Variants in PTK2 observed in about 807,000 individuals in gnomAD.
PTK2 encodes the protein protein tyrosine kinase 2, also known as focal adhesion kinase 1.
A neutral mutation model predicts 150.1 loss-of-function variants in PTK2; 45 were observed. The ratio of observed to expected loss-of-function variants is 0.30; its 90% confidence interval spans 0.24 to 0.38. The LOEUF is 0.38. Among genes scored for constraint, PTK2 ranks in the 10% least tolerant of loss-of-function variants. The pLI is 1.00. For synonymous variants in PTK2, 432 were observed against 449.2 expected (o/e 0.96, Z 0.48); for missense variants, 919 against 1,307.3 (o/e 0.70, Z 4.58).
Position 140,980,414 on chromosome 8 carries a change from AG to A in PTK2, c.-122+20710del, listed in dbSNP as rs1386258216. ...AGGCGGATTGGATCACGAGGTCAGGAGATCGAGACCATCCTGGCTAACATGG... is the reference window on the plus strand; with the variant it reads ...AGGCGGATTGGATCACGAGGTCAGGAATCGAGACCATCCTGGCTAACATGG... On this transcript the variant is annotated intron_variant, in intron 1 of 31. Coordinates refer to ENST00000522684, the Ensembl canonical transcript of PTK2. Among the ~76,000 whole-genome samples, 5 of 152,208 alleles carry A rather than the reference AG, an allele frequency of 3.3e-5. No homozygotes were observed. In the East Asian group the frequency reaches 5.8e-4, roughly 18 times the overall value.
intron 2 of PTK2, among the ~76,000 whole-genome samples, chr8:140,893,569 T>G (rs1453261584): frequency 6.6e-6 from 1 of 152,148 alleles, no homozygotes; most frequent in Non-Finnish European, 1.5e-5. Flanking sequence ...TCCACTTATA[T>G]GAAGGAATAT....
chr8:140,723,083 A>G (rs764366965), intron 22 of PTK2, among the ~76,000 whole-genome samples: 48 of 152,152 alleles, frequency 3.2e-4, no homozygotes, highest in Non-Finnish European at 6.3e-4. Context: ...ATCTGCCCTG[A>G]TATTTCTACC....
At position 140,764,302 on chromosome 8, in the gene PTK2, G is replaced by GA; in HGVS notation, c.1178-13dup. 1 of 1,599,860 alleles carries GA rather than the reference G, an allele frequency of 6.3e-7. No homozygotes were observed. The highest frequency in any genetic ancestry group is 8.6e-7 in the Non-Finnish European group (1 of 1,168,594). ...ATAATCATCTGTTTCTGCAGGAAAA[G>GA]AAACAGATATGTTGAAAGAGGTTAA... On this transcript the variant is annotated splice_polypyrimidine_tract_variant and intron_variant, in intron 14 of 31. Coordinates refer to ENST00000522684, the Ensembl canonical transcript of PTK2.
At chr8:140,935,433 G>C (rs769652949) in intron 1 of PTK2, among the ~76,000 whole-genome samples, 2 of 152,098 alleles carry the variant, frequency 1.3e-5, no homozygotes, top group African/African-American at 4.8e-5. Flanking sequence ...CCTAGGCTGC[G>C]ATGTATCCAT....
chr8:140,761,444 G>A (rs1594424775), intron 15 of PTK2, among the ~76,000 whole-genome samples, 182 bp from the exon 19 acceptor site: 2 of 152,232 alleles, frequency 1.3e-5, no homozygotes, highest in East Asian at 3.9e-4. Context: ...CATGTAATTA[G>A]TTATGGTATT....
At chr8:140,836,219 T>C (rs897788759) in intron 7 of PTK2, among the ~76,000 whole-genome samples, 1 of 152,230 alleles carries the variant, frequency 6.6e-6, no homozygotes, top group Non-Finnish European at 1.5e-5. Context: ...CTCTTGTTTA[T>C]ATCAATTAGC....
chr8:140,765,257 T>C (rs1265589617), intron 14 of PTK2: 6 of 152,206 alleles, frequency 3.9e-5, no homozygotes, highest in African/African-American at 1.4e-4. Flanking sequence ...AGCATCCTTG[T>C]TTAACACCAA....
intron 16 of PTK2, among the ~76,000 whole-genome samples, chr8:140,756,151 T>C (rs1412500286): frequency 6.6e-6 from 1 of 151,378 alleles, no homozygotes; most frequent in African/African-American, 2.4e-5. Context: ...GGTGAAACCC[T>C]GTCTCTACTA....
At chr8:140,827,265 T>C (rs1438566402) in intron 8 of PTK2, among the ~76,000 whole-genome samples, 2 of 152,006 alleles carry the variant, frequency 1.3e-5, no homozygotes, top group African/African-American at 4.8e-5. Flanking sequence ...AAACCCCCTT[T>C]CCTGTCTGAC....
intron 26 of PTK2, among the ~76,000 whole-genome samples, chr8:140,695,964 G>T (rs1175792019): frequency 1.3e-5 from 2 of 152,030 alleles, no homozygotes; most frequent in Non-Finnish European, 2.9e-5. Context: ...CTTCCCCAGG[G>T]TTCATGTATG....
At chr8:140,690,059 T>C (rs1419905050) in intron 26 of PTK2, among the ~76,000 whole-genome samples, 2 of 152,194 alleles carry the variant, frequency 1.3e-5, no homozygotes, top group Non-Finnish European at 2.9e-5. Context: ...TTCATGCCAT[T>C]CTCCTGCCTC....
At chr8:140,726,119 A>ACT (rs1337195584) in intron 22 of PTK2, among the ~76,000 whole-genome samples, 7 of 152,202 alleles carry the variant, frequency 4.6e-5, no homozygotes, top group African/African-American at 1.7e-4. Flanking sequence ...AGTGATCAGT[A>ACT]GGATGGGGAT....
At chr8:140,866,447 G>A (rs1038828786) in intron 4 of PTK2, among the ~76,000 whole-genome samples, 1 of 152,138 alleles carries the variant, frequency 6.6e-6, no homozygotes, top group Non-Finnish European at 1.5e-5. Context: ...TTACACAGAT[G>A]ATTTCTTTTT....
chr8:140,824,664 T>C (rs894213268), intron 8 of PTK2, among the ~76,000 whole-genome samples: 4 of 152,218 alleles, frequency 2.6e-5, no homozygotes, highest in African/African-American at 9.6e-5. Flanking sequence ...AAGGATATCT[T>C]AGAAAGCATT....
At chr8:140,661,595 G>T (rs767759416) in intron 31 of PTK2, among the ~76,000 whole-genome samples, 2 of 152,150 alleles carry the variant, frequency 1.3e-5, no homozygotes, top group Non-Finnish European at 2.9e-5. Context: ...AGAATGAGAA[G>T]AACTACCAGA....
At chr8:140,701,210 A>G (rs1032178336) in intron 25 of PTK2, among the ~76,000 whole-genome samples, 188 bp from the exon 29 acceptor site, 2 of 152,228 alleles carry the variant, frequency 1.3e-5, no homozygotes, top group Non-Finnish European at 2.9e-5. Flanking sequence ...GCATCTTTAA[A>G]AAGTATGCAA....
chr8:140,931,721 G>C (rs2100171848), intron 1 of PTK2, among the ~76,000 whole-genome samples: 1 of 151,832 alleles, frequency 6.6e-6, no homozygotes, highest in Admixed American at 6.6e-5. Context: ...GATCACTTGA[G>C]CCCAGGAGTT....
At chr8:140,933,868 C>G (rs76534566) in intron 1 of PTK2, among the ~76,000 whole-genome samples, 2,830 of 151,690 alleles carry the variant, frequency 0.019, 95 homozygotes, top group African/African-American at 0.064. Context: ...AAAAAAAAGA[C>G]ACAAAGCCTC....
In PTK2 at chr8:140,906,693, G is replaced by A. The variant is rs1371009896; in HGVS notation, c.-32-15924C>T. ...AGGGTACAGGGCATAAATAGAAGTA[G>A]GTTAAGGGGTACAAAAATATAGTTA... On this transcript the variant is annotated intron_variant, in intron 2 of 31. Transcript: ENST00000522684. Among the ~76,000 whole-genome samples, 3 of 152,082 alleles carry A rather than the reference G, an allele frequency of 2.0e-5. No homozygotes were observed. The East Asian group carries it at 5.8e-4, about 29-fold the overall frequency.
Sources: allele counts gnomAD v4.1 joint callset (sites outside exome capture counted in the v4.1 genomes callset), GRCh38; gene constraint gnomAD v4.1.1; transcripts MANE v1.5; gene names NCBI Gene and HGNC (gene_info 2026-07-23, HGNC 2026-07-21).